Variants in CATSPERT observed in about 807,000 individuals in gnomAD.
CATSPERT encodes catsper channel auxiliary subunit tau.
the CATSPERT span, among the ~76,000 whole-genome samples, chr2:201,499,358 T>G: frequency 2.3e-3 from 344 of 152,304 alleles, 3 homozygotes; most frequent in African/African-American, 7.8e-3. Context: ...TAAAATACAA[T>G]TTTAGATTAG....
At chr2:201,590,845 T>G in the CATSPERT span, among the ~76,000 whole-genome samples, 1 of 151,548 alleles carries the variant, frequency 6.6e-6, no homozygotes, top group East Asian at 1.9e-4. Context: ...TTTTTTCTTG[T>G]AAATTTGTTT....
the CATSPERT span, among the ~76,000 whole-genome samples, chr2:201,616,461 T>C: frequency 1.3e-5 from 2 of 152,172 alleles, no homozygotes; most frequent in Non-Finnish European, 2.9e-5. Context: ...AAAAACCACA[T>C]GATTATCTCA....
the CATSPERT span, among the ~76,000 whole-genome samples, chr2:201,489,007 T>A: frequency 6.6e-6 from 1 of 152,180 alleles, no homozygotes; most frequent in African/African-American, 2.4e-5. Flanking sequence ...TGGAAGGGCA[T>A]GGAGACCCAG....
chr2:201,575,691 T>C, the CATSPERT span, among the ~76,000 whole-genome samples: 1 of 152,212 alleles, frequency 6.6e-6, no homozygotes, highest in Non-Finnish European at 1.5e-5. Flanking sequence ...CGTCCCCAGA[T>C]GGGACTGTCT....
chr2:201,606,970 A>T, the CATSPERT span, among the ~76,000 whole-genome samples: 40 of 152,098 alleles, frequency 2.6e-4, no homozygotes, highest in Non-Finnish European at 4.9e-4. Flanking sequence ...TAAAGTAAAG[A>T]TTCAAATGTT....
the CATSPERT span, among the ~76,000 whole-genome samples, chr2:201,499,220 A>G: frequency 6.6e-6 from 1 of 152,234 alleles, no homozygotes; most frequent in Admixed American, 6.5e-5. Context: ...TCCAGCATAA[A>G]TAGAAATATT....
chr2:201,499,303 G>C, the CATSPERT span, among the ~76,000 whole-genome samples: 78 of 152,224 alleles, frequency 5.1e-4, no homozygotes, highest in African/African-American at 1.9e-3. Context: ...AGAGGATATT[G>C]AGTTCTCTTT....
chr2:201,604,593 A>C, the CATSPERT span: 1 of 1,489,230 alleles, frequency 6.7e-7, no homozygotes, highest in African/African-American at 1.4e-5. Flanking sequence ...CAGGTTTTTG[A>C]GGGTTACTCA....
chr2:201,572,395 C>T, the CATSPERT span, among the ~76,000 whole-genome samples: 4,170 of 152,216 alleles, frequency 0.027, 204 homozygotes, highest in African/African-American at 0.095. Flanking sequence ...GCCCTGTTTA[C>T]AGTATCACGA....
the CATSPERT span, chr2:201,565,678 T>A: frequency 6.7e-7 from 1 of 1,484,652 alleles, no homozygotes; most frequent in Non-Finnish European, 8.9e-7. Context: ...AAATAACACC[T>A]AAGATGAAAA....
the CATSPERT span, among the ~76,000 whole-genome samples, chr2:201,560,017 A>G: frequency 5.2e-5 from 8 of 152,390 alleles, 1 homozygote; most frequent in South Asian, 1.0e-3. Context: ...GAATACAGAC[A>G]GACAATTAAA....
chr2:201,522,509 C>G, the CATSPERT span, among the ~76,000 whole-genome samples: 2 of 152,096 alleles, frequency 1.3e-5, no homozygotes, highest in Non-Finnish European at 2.9e-5. Flanking sequence ...AAGCTGGGAA[C>G]CCTGCATGGG....
At chr2:201,559,072 A>C in the CATSPERT span, among the ~76,000 whole-genome samples, 160 of 152,344 alleles carry the variant, frequency 1.1e-3, no homozygotes, top group African/African-American at 3.4e-3. Flanking sequence ...CTTGAGCCTC[A>C]GAGCAGCTGA....
chr2:201,494,166 T>C, the CATSPERT span: 29 of 1,532,240 alleles, frequency 1.9e-5, no homozygotes, highest in Admixed American at 4.6e-4. Flanking sequence ...TTTTTTCCAA[T>C]ACGTTGTCTT....
At chr2:201,498,342 A>C in the CATSPERT span, among the ~76,000 whole-genome samples, 1 of 152,110 alleles carries the variant, frequency 6.6e-6, no homozygotes, top group African/African-American at 2.4e-5. Flanking sequence ...CAGAGTCCAA[A>C]GGCCGAAAAA....
At chr2:201,493,780 G>C in the CATSPERT span, 1 of 1,536,856 alleles carries the variant, frequency 6.5e-7, no homozygotes, top group Middle Eastern at 1.7e-4. Context: ...ACTTGAACCT[G>C]ATTTGGAGTT....
chr2:201,505,989 C>T, the CATSPERT span, among the ~76,000 whole-genome samples: 3 of 152,088 alleles, frequency 2.0e-5, no homozygotes, highest in Admixed American at 6.6e-5. Context: ...CAAAGCCGGC[C>T]GGGCGCAGTG....
At chr2:201,550,663 C>T in the CATSPERT span, 2 of 152,162 alleles carry the variant, frequency 1.3e-5, no homozygotes, top group African/African-American at 2.4e-5. Flanking sequence ...ATTAGTGTAA[C>T]TTGTATTAAA....
the CATSPERT span, among the ~76,000 whole-genome samples, chr2:201,610,090 C>A: frequency 3.3e-5 from 5 of 152,004 alleles, no homozygotes; most frequent in East Asian, 9.6e-4. Context: ...ATACAAGTGA[C>A]CAATATTGAC....
Sources: gnomAD v4.1 joint callset for allele counts (sites outside exome capture counted in the v4.1 genomes callset) on GRCh38, gnomAD v4.1.1 for gene constraint, MANE v1.5 for transcripts, NCBI Gene and HGNC (gene_info 2026-07-23, HGNC 2026-07-21) for gene names.